The following SDCBP2 variants were observed in gnomAD, a reference collection of about 807,000 sequenced individuals.
SDCBP2 encodes the protein syntenin-2.
A neutral mutation model predicts 30.7 loss-of-function variants in SDCBP2; 28 were observed. That is an observed-to-expected ratio of 0.91 (90% CI 0.68 to 1.25). SDCBP2 has a LOEUF of 1.25. Among genes scored for constraint, SDCBP2 ranks in the 50% most tolerant of loss-of-function variants. SDCBP2 has a pLI of 0.00. For synonymous variants in SDCBP2, 166 were observed against 157.3 expected, an observed-to-expected ratio of 1.06 and a Z score of -0.41; for missense variants, 399 against 379.0, an observed-to-expected ratio of 1.05 and a Z score of -0.44.
intron 1 of SDCBP2, among the ~76,000 whole-genome samples, chr20:1,328,854 A>T (rs1364704100): frequency 6.6e-6 from 1 of 152,110 alleles, no homozygotes; most frequent in East Asian, 1.9e-4. Flanking sequence ...GGGGGCCCTC[A>T]TGATGTCTGG....
intron 1 of SDCBP2, chr20:1,322,101 T>A (rs2088857438): frequency 6.6e-6 from 1 of 152,270 alleles, no homozygotes; most frequent in Non-Finnish European, 1.5e-5. Flanking sequence ...CACAATGAGC[T>A]ACTTCCACGT....
At chr20:1,312,845 G>GGAGTATCAGGAGGA in intron 5 of SDCBP2, 83 bp from the exon 6 acceptor site, 1 of 1,417,614 alleles carries the variant, frequency 7.1e-7, no homozygotes, top group Non-Finnish European at 9.4e-7. Context: ...TTTTCCTCCT[G>GGAGTATCAGGAGGA]ATACTCCAGG....
chr20:1,319,305 G>A (rs1190315758), intron 3 of SDCBP2, among the ~76,000 whole-genome samples: 1 of 152,206 alleles, frequency 6.6e-6, no homozygotes. Context: ...AGAAGCCATA[G>A]CTTCCCTAAC....
At chr20:1,327,110 C>T (rs543801297) in intron 1 of SDCBP2, among the ~76,000 whole-genome samples, 21 of 152,236 alleles carry the variant, frequency 1.4e-4, no homozygotes, top group African/African-American at 5.1e-4. Context: ...TTGGTTCCTC[C>T]GAAAGGAAAA....
At position 1,312,375 on chromosome 20, in the gene SDCBP2, C is replaced by T. The variant is rs139213919; in HGVS notation, c.694G>A (p.Val232Met). The T allele has an allele frequency of 1.2e-3, 1,857 of 1,613,504 alleles. 2 individuals carry two copies. The highest frequency in any genetic ancestry group is 1.5e-3 in the Non-Finnish European group (1,755 of 1,179,754). ...ARNGLLTNHYVCEVDGQNVIG... is the reference protein window; with the variant it reads ...ARNGLLTNHYMCEVDGQNVIG... ...ACATTCTGCCCGTCCACCTCACACA[C>T]GTAGTGGTTGGTGAGGAGCCCGTTG... Residue 232 changes from valine (V) to methionine (M), a missense_variant, in exon 7 of 9, where the codon GTG becomes ATG. By Grantham distance (21) the Val-to-Met change is conservative (BLOSUM62 1). Transcript: ENST00000360779.
chr20:1,325,169 G>C (rs535524923), intron 1 of SDCBP2, among the ~76,000 whole-genome samples: 1 of 152,292 alleles, frequency 6.6e-6, no homozygotes, highest in Non-Finnish European at 1.5e-5. Flanking sequence ...CCTAGGGCCT[G>C]CCTCCAACCC....
Position 1,310,904 on chromosome 20 carries a change from C to A in SDCBP2, c.733-13G>T. The A allele has an allele frequency of 6.2e-7, 1 of 1,606,444 alleles. No individual in the cohort carries two copies. The highest frequency in any genetic ancestry group is 8.5e-7 in the Non-Finnish European group (1 of 1,173,780). ...TGATCTTTTTGTCCTAGGGAGGAGG[C>A]AAGTAAGCGATCACCCTAAGGATTG... is the stretch of plus-strand genomic sequence containing the variant. On this transcript the variant is annotated splice_polypyrimidine_tract_variant and intron_variant, in intron 7 of 8. Transcript: ENST00000360779.
rs2088840858 is a variant in SDCBP2 at position 1,320,765 on chromosome 20, G to T, written c.-19-330C>A. On this transcript the variant is annotated intron_variant, in intron 1 of 8. Coordinates refer to ENST00000360779, the MANE Select transcript of SDCBP2 (RefSeq NM_080489.5). The surrounding 1 kb of genome is among the most constrained non-coding windows in gnomAD (Gnocchi z 4.7). ...CTGCTCCAGAGGGAGGAGGGAATGG[G>T]GGGTGGAGAGGCACCATGAGCACTT... The T allele has an allele frequency of 5.2e-6, 1 of 192,292 alleles. No individual in the cohort carries two copies. The highest frequency in any genetic ancestry group is 1.1e-5 in the Non-Finnish European group (1 of 93,280). The allele number at this position is 192,292 out of a possible 1,614,324, so 11.9% of individuals were successfully genotyped here. A position where few individuals can be genotyped will look rare whatever the true frequency, so the allele number is the denominator to read the frequency against.
In SDCBP2 at chr20:1,318,324, AC is replaced by A; in HGVS notation, c.218del (p.Gly73ValfsTer18). The A allele has an allele frequency of 6.2e-7, 1 of 1,611,078 alleles. No homozygotes were observed. The highest frequency in any genetic ancestry group is 8.5e-7 in the Non-Finnish European group (1 of 1,177,314). ...GCAGAAGCCAAATACATACACTGTC[AC>A]CCTCTGGAATCTGAAGCAGGCTCTC... ...VQESLLQIPE[G>X]DSTAVSGPGP... On this transcript the variant is annotated frameshift_variant, in exon 4 of 9. Transcript: ENST00000360779. LOFTEE classifies it high-confidence loss of function.
rs774429633 is a variant in SDCBP2 at position 1,320,358 on chromosome 20, C to T, written c.54+5G>A. ...AATCCAGGCCAATGGGGCCTGGCGA[C>T]TTACCTGAATGGCTTGGTCCACTTT... is the stretch of plus-strand genomic sequence containing the variant. On this transcript the variant is annotated splice_donor_5th_base_variant and intron_variant, in intron 2 of 8. Transcript: ENST00000360779. The surrounding 1 kb of genome is among the most constrained non-coding windows in gnomAD (Gnocchi z 4.7). 1 of 1,613,838 alleles carries T rather than the reference C, an allele frequency of 6.2e-7. No individual in the cohort carries two copies. Among genetic ancestry groups the T allele is most frequent in the South Asian group, 1.1e-5 (1 of 91,064 alleles).
chr20:1,318,264 A>G lies in SDCBP2; in HGVS notation c.225+54T>C, dbSNP rs575954755. 1.1e-5 allele frequency: 13 copies of G among 1,225,492 alleles called. No individual in the cohort carries two copies. The East Asian group carries it at 3.0e-4, about 28-fold the overall frequency. 75.9% of individuals were successfully genotyped at this position (1,225,492 alleles called of 1,614,324 possible). ...TCTGTTGAAATGGCAAGACCAGGAA[A>G]AAGGGAGGATTGGGAGGTTCTGCGC... On this transcript the variant is annotated intron_variant, in intron 4 of 8. Transcript: ENST00000360779.
Position 1,313,232 on chromosome 20 carries a change from G to T in SDCBP2, c.384+108C>A. The T allele has an allele frequency of 8.4e-7, 1 of 1,191,696 alleles. No homozygotes were observed. The highest frequency in any genetic ancestry group is 1.2e-6 in the Non-Finnish European group (1 of 840,662). The allele number at this position is 1,191,696 out of a possible 1,614,324, so 73.8% of individuals were successfully genotyped here. A position where few individuals can be genotyped will look rare whatever the true frequency, so the allele number is the denominator to read the frequency against. The stretch of plus-strand genomic sequence containing the variant: ...AGAGCCTGGCCGCTGGGGTTAGGAG[G>T]CCCGCTCTGCACCTTCCTTACTGTG... On this transcript the variant is annotated intron_variant, in intron 5 of 8. Transcript: ENST00000360779. The surrounding 1 kb of genome is among the most constrained non-coding windows in gnomAD (Gnocchi z 5.2).
At chr20:1,319,260 T>C (rs560644315) in intron 3 of SDCBP2, among the ~76,000 whole-genome samples, 3 of 152,310 alleles carry the variant, frequency 2.0e-5, no homozygotes, top group African/African-American at 4.8e-5. Context: ...ACAAATGATA[T>C]CACATCCTCA....
intron 3 of SDCBP2, 37 bp downstream of exon 3, chr20:1,319,553 C>A (rs1204751446): frequency 6.5e-7 from 1 of 1,549,898 alleles, no homozygotes; most frequent in Non-Finnish European, 8.7e-7. Flanking sequence ...CCTGAAAGGA[C>A]TTGGCACCCA....
chr20:1,313,038 C>T lies in SDCBP2; in HGVS notation c.385-276G>A. The T allele has an allele frequency of 1.7e-6, 1 of 585,394 alleles. No individual in the cohort carries two copies. Among genetic ancestry groups the T allele is most frequent in the Non-Finnish European group, 3.0e-6 (1 of 329,340 alleles). The allele number at this position is 585,394 out of a possible 1,614,324, so 36.3% of individuals were successfully genotyped here. ...TTCACAAAGGCATGGGCTTCCCTGG[C>T]GTCGGCTGTCTACACCGTCGCCTGG... On this transcript the variant is annotated intron_variant, in intron 5 of 8. Coordinates refer to ENST00000360779, the MANE Select transcript of SDCBP2 (RefSeq NM_080489.5). The surrounding 1 kb of genome is among the most constrained non-coding windows in gnomAD (Gnocchi z 5.2).
Position 1,313,111 on chromosome 20 carries a change from C to T in SDCBP2, c.384+229G>A. On this transcript the variant is annotated intron_variant, in intron 5 of 8. Coordinates refer to ENST00000360779, the MANE Select transcript of SDCBP2 (RefSeq NM_080489.5). This position sits in a 1 kb window ranked among gnomAD's most constrained non-coding sequence, Gnocchi z 5.2. ...AAGGGCAGGTGGGGAAGGGAGGCTC[C>T]TCCGAGCGACGGAAGCCCACGGAGA... 3.3e-6 allele frequency: 2 copies of T among 601,582 alleles called. No individual in the cohort carries two copies. The highest frequency in any genetic ancestry group is 3.7e-5 in the African/African-American group (2 of 53,850). The allele number at this position is 601,582 out of a possible 1,614,324, so 37.3% of individuals were successfully genotyped here. A position where few individuals can be genotyped will look rare whatever the true frequency, so the allele number is the denominator to read the frequency against.
intron 1 of SDCBP2, among the ~76,000 whole-genome samples, chr20:1,327,703 A>G (rs1252792831): frequency 6.6e-6 from 1 of 152,248 alleles, no homozygotes; most frequent in Non-Finnish European, 1.5e-5. Context: ...GGATAACAAT[A>G]GTTGCATCAC....
chr20:1,319,438 T>C, intron 3 of SDCBP2, 152 bp downstream of exon 3: 1 of 786,444 alleles, frequency 1.3e-6, no homozygotes, highest in South Asian at 1.6e-5. Context: ...CAGTAAGAGG[T>C]GGGTGGCAAC....
At position 1,313,115 on chromosome 20, in the gene SDCBP2, G is replaced by C; in HGVS notation, c.384+225C>G. 3.3e-6 allele frequency: 2 copies of C among 603,406 alleles called. No homozygotes were observed. Among genetic ancestry groups the C allele is most frequent in the East Asian group, 5.7e-5 (2 of 35,392 alleles). The allele number at this position is 603,406 out of a possible 1,614,324, so 37.4% of individuals were successfully genotyped here. ...GCAGGTGGGGAAGGGAGGCTCCTCC[G>C]AGCGACGGAAGCCCACGGAGAGGCC... On this transcript the variant is annotated intron_variant, in intron 5 of 8. Coordinates refer to ENST00000360779, the MANE Select transcript of SDCBP2 (RefSeq NM_080489.5). This position sits in a 1 kb window ranked among gnomAD's most constrained non-coding sequence, Gnocchi z 5.2.
Sources: allele counts gnomAD v4.1 joint callset (sites outside exome capture counted in the v4.1 genomes callset), GRCh38; gene constraint gnomAD v4.1.1; non-coding constraint Gnocchi (gnomAD v3.1); transcripts MANE v1.5; gene names NCBI Gene and HGNC (gene_info 2026-07-23, HGNC 2026-07-21).